Variants in DLEU7 observed in about 807,000 individuals in gnomAD.
DLEU7 encodes leukemia-associated protein 7.
A neutral mutation model predicts 16.0 loss-of-function variants in DLEU7; 17 were observed. The ratio of observed to expected loss-of-function variants is 1.06; its 90% CI spans 0.73 to 1.59. The LOEUF (loss-of-function observed/expected upper bound fraction) is 1.59. Ranked by LOEUF, DLEU7 falls within the 40% of genes most tolerant of loss-of-function variation. DLEU7 has a pLI of 0.00. For synonymous variants in DLEU7, 113 were observed against 139.8 expected (o/e 0.81, Z 1.35); for missense variants, 308 against 314.9 (o/e 0.98, Z 0.17).
intron 1 of DLEU7, among the ~76,000 whole-genome samples, chr13:50,829,464 CAAAGA>C (rs1877193603): frequency 6.6e-6 from 1 of 152,230 alleles, no homozygotes; most frequent in Admixed American, 6.5e-5. Flanking sequence ...ATTCATCACC[CAAAGA>C]AGACTAAAAT....
chr13:50,738,779 GA>G (rs1874156208), intron 1 of DLEU7, among the ~76,000 whole-genome samples: 1 of 152,202 alleles, frequency 6.6e-6, no homozygotes, highest in South Asian at 2.1e-4. Context: ...GAAAATGGGG[GA>G]AAGTTTCTTG....
Position 50,794,764 on chromosome 13 carries a change from C to A in DLEU7, c.459+48424G>T, listed in dbSNP as rs1350425085. ...AACTGAGGCTCAAATGATTAATTTGCTGAAGTTCACAATCAATGTTAAATA... is the reference window on the plus strand; with the variant it reads ...AACTGAGGCTCAAATGATTAATTTGATGAAGTTCACAATCAATGTTAAATA... On this transcript the variant is annotated intron_variant, in intron 1 of 1. Coordinates refer to the DLEU7 transcript ENST00000400393. Among the ~76,000 whole-genome samples the A allele has an allele frequency of 3.9e-5, 6 of 152,208 alleles. No homozygotes were observed. The East Asian group carries it at 1.2e-3, about 29-fold the overall frequency.
chr13:50,821,293 T>C (rs1400167610), downstream of DLEU7, among the ~76,000 whole-genome samples: 1 of 146,350 alleles, frequency 6.8e-6, no homozygotes, highest in African/African-American at 2.6e-5. Context: ...TTATGCAGAC[T>C]GACCATAGAA....
At chr13:50,780,745 G>T (rs1427710365) in intron 1 of DLEU7, among the ~76,000 whole-genome samples, 1 of 152,178 alleles carries the variant, frequency 6.6e-6, no homozygotes, top group Non-Finnish European at 1.5e-5. Flanking sequence ...ACAGGGCAGA[G>T]GGAGGTGGAG....
At chr13:50,737,011 C>T (rs369588021) in intron 1 of DLEU7, among the ~76,000 whole-genome samples, 8 of 152,090 alleles carry the variant, frequency 5.3e-5, no homozygotes, top group Admixed American at 2.0e-4. Context: ...TAATTTTCCA[C>T]GTAGTTTCAC....
At chr13:50,736,827 G>A (rs573291697) in intron 1 of DLEU7, among the ~76,000 whole-genome samples, 2 of 151,912 alleles carry the variant, frequency 1.3e-5, no homozygotes, top group Non-Finnish European at 2.9e-5. Flanking sequence ...CACCAAGAAT[G>A]AAGGAAAAAT....
chr13:50,731,687 T>C (rs1873916597), intron 1 of DLEU7, among the ~76,000 whole-genome samples: 1 of 152,214 alleles, frequency 6.6e-6, no homozygotes, highest in Non-Finnish European at 1.5e-5. Context: ...CACTGATAAT[T>C]GCTAAGAAGT....
At chr13:50,773,054 G>A (rs1381586773) in intron 1 of DLEU7, among the ~76,000 whole-genome samples, 1 of 151,876 alleles carries the variant, frequency 6.6e-6, no homozygotes, top group African/African-American at 2.4e-5. Flanking sequence ...CCACTTGATC[G>A]AATCAGATAC....
chr13:50,791,344 G>A (rs1413803921), intron 1 of DLEU7, among the ~76,000 whole-genome samples: 1 of 152,132 alleles, frequency 6.6e-6, no homozygotes, highest in Non-Finnish European at 1.5e-5. Context: ...TCATGCCCCT[G>A]ACAGGAGGTG....
intron 1 of DLEU7, among the ~76,000 whole-genome samples, chr13:50,825,045 G>C (rs1409418180): frequency 6.6e-6 from 1 of 152,160 alleles, no homozygotes; most frequent in Non-Finnish European, 1.5e-5. Context: ...ATGGTGTCGA[G>C]ATGAAACTGT....
At chr13:50,825,705 A>G (rs1877060895) in intron 1 of DLEU7, among the ~76,000 whole-genome samples, 1 of 152,160 alleles carries the variant, frequency 6.6e-6, no homozygotes, top group Non-Finnish European at 1.5e-5. Context: ...TACTTGTTGT[A>G]TTAGCCACCT....
intron 1 of DLEU7, among the ~76,000 whole-genome samples, chr13:50,766,657 T>C (rs1875120786): frequency 6.6e-6 from 1 of 152,112 alleles, no homozygotes; most frequent in South Asian, 2.1e-4. Context: ...CTACATTCCC[T>C]AGGCCTAGGG....
downstream of DLEU7, chr13:50,822,634 C>G: frequency 5.1e-6 from 5 of 984,866 alleles, no homozygotes; most frequent in Non-Finnish European, 6.0e-6. Context: ...GACTTTTCCA[C>G]ATGAGACTTT....
At chr13:50,837,928 A>G (rs1288055440) in intron 1 of DLEU7, among the ~76,000 whole-genome samples, 3 of 152,196 alleles carry the variant, frequency 2.0e-5, no homozygotes, top group East Asian at 1.9e-4. Flanking sequence ...ATGCGAACTC[A>G]TGGGGCTGGG....
At chr13:50,766,721 G>T (rs1466563190) in intron 1 of DLEU7, among the ~76,000 whole-genome samples, 1 of 152,130 alleles carries the variant, frequency 6.6e-6, no homozygotes, top group African/African-American at 2.4e-5. Flanking sequence ...TTTAAACTCA[G>T]GCAGGCAGGC....
intron 1 of DLEU7, among the ~76,000 whole-genome samples, chr13:50,795,204 G>C (rs1429471290): frequency 6.6e-6 from 1 of 152,148 alleles, no homozygotes; most frequent in East Asian, 1.9e-4. Flanking sequence ...CCCTGGAAAA[G>C]TAGCCTCTGG....
intron 1 of DLEU7, among the ~76,000 whole-genome samples, chr13:50,760,983 A>G (rs1874911346): frequency 6.6e-6 from 1 of 152,122 alleles, no homozygotes; most frequent in African/African-American, 2.4e-5. Context: ...TGTCTCCTCC[A>G]TCTCTCCTTT....
At chr13:50,827,790 GATA>G (rs1877138684) in intron 1 of DLEU7, among the ~76,000 whole-genome samples, 2 of 152,214 alleles carry the variant, frequency 1.3e-5, no homozygotes, top group South Asian at 4.2e-4. Context: ...CACTAAAAAA[GATA>G]GTAGTAAGCC....
intron 1 of DLEU7, among the ~76,000 whole-genome samples, chr13:50,773,039 T>TTCTTCCACTTGATCGAA (rs1875371503): frequency 6.6e-6 from 1 of 152,176 alleles, no homozygotes; most frequent in African/African-American, 2.4e-5. Context: ...CTGATACCCT[T>TTCTTCCACTTGATCGAA]TCTTCCACTT....
Sources: allele counts gnomAD v4.1 joint callset (sites outside exome capture counted in the v4.1 genomes callset), GRCh38; gene constraint gnomAD v4.1.1; transcripts MANE v1.5; gene names NCBI Gene and HGNC (gene_info 2026-07-23, HGNC 2026-07-21).